GRIN2A: variants seen among roughly 807,000 people sequenced by gnomAD.
The protein encoded by GRIN2A is glutamate ionotropic receptor NMDA type subunit 2A, also known as glutamate receptor ionotropic, NMDA 2A.
GRIN2A carries 22 observed loss-of-function variants against 113.4 expected under a neutral mutation model. The ratio of observed to expected loss-of-function variants is 0.19; its 90% CI spans 0.14 to 0.28. The LOEUF is 0.28. GRIN2A is among the 10% of genes least tolerant of loss of function. GRIN2A has a pLI of 1.00. For missense variants in GRIN2A, 1,502 were observed against 1,887.0 expected, an observed-to-expected ratio of 0.80 and a Z score of 3.78; for synonymous variants, 827 against 738.4, an observed-to-expected ratio of 1.12 and a Z score of -1.94.
chr16:9,869,066 T>G (rs1224994078), intron 4 of GRIN2A, among the ~76,000 whole-genome samples: 1 of 152,222 alleles, frequency 6.6e-6, no homozygotes, highest in African/African-American at 2.4e-5. Flanking sequence ...AGGGTGGGAC[T>G]GTGTTCTGTT....
intron 2 of GRIN2A, among the ~76,000 whole-genome samples, chr16:10,116,980 G>A (rs1043353726): frequency 6.6e-6 from 1 of 151,860 alleles, no homozygotes; most frequent in Non-Finnish European, 1.5e-5. Flanking sequence ...CTAAGCTTCA[G>A]GTGACCCTCA....
At chr16:9,919,337 G>A (rs1484638387) in intron 3 of GRIN2A, among the ~76,000 whole-genome samples, 1 of 152,056 alleles carries the variant, frequency 6.6e-6, no homozygotes, top group Non-Finnish European at 1.5e-5. Context: ...GTGGAAAAAT[G>A]GCAGCAGAAA....
chr16:10,045,216 C>T (rs1287653088), intron 2 of GRIN2A, among the ~76,000 whole-genome samples: 2 of 152,106 alleles, frequency 1.3e-5, no homozygotes, highest in Non-Finnish European at 2.9e-5. Context: ...AAGATCTGGC[C>T]AGGAAAATGT....
intron 12 of GRIN2A, among the ~76,000 whole-genome samples, chr16:9,765,546 C>T (rs529511467): frequency 6.6e-6 from 1 of 152,160 alleles, no homozygotes; most frequent in Non-Finnish European, 1.5e-5. Flanking sequence ...TGAGGCTCAT[C>T]ATACTCTTTG....
intron 2 of GRIN2A, among the ~76,000 whole-genome samples, chr16:10,101,006 T>C (rs187987230): frequency 6.6e-6 from 1 of 152,354 alleles, no homozygotes; most frequent in African/African-American, 2.4e-5. Flanking sequence ...ATCCTCTGGC[T>C]TCAGAGCCCT....
chr16:9,803,964 C>G (rs1471757917), intron 10 of GRIN2A, among the ~76,000 whole-genome samples: 1 of 152,144 alleles, frequency 6.6e-6, no homozygotes, highest in Non-Finnish European at 1.5e-5. Context: ...CCAGAGCGGC[C>G]GGAGTTTCAA....
chr16:9,885,913 T>G (rs1176913020), intron 4 of GRIN2A, among the ~76,000 whole-genome samples: 4 of 152,222 alleles, frequency 2.6e-5, no homozygotes, highest in Non-Finnish European at 5.9e-5. Context: ...AAGCTGCCTT[T>G]TATGGGAAAT....
Position 10,165,192 on chromosome 16 carries a change from A to T in GRIN2A, c.414+14806T>A, listed in dbSNP as rs2049887289. On this transcript the variant is annotated intron_variant, in intron 2 of 12. Transcript: ENST00000330684. ...AAGTAAATCATGAGATATCCACAGA[A>T]TAGAAAACATAGAAGATAAAAATGT... is the stretch of plus-strand genomic sequence containing the variant. Among the ~76,000 whole-genome samples the T allele has an allele frequency of 7.9e-5, 12 of 152,300 alleles. No homozygotes were observed. In the South Asian group the frequency reaches 2.5e-3, roughly 32 times the overall value.
chr16:9,973,208 C>T (rs920782937), intron 2 of GRIN2A, among the ~76,000 whole-genome samples: 1 of 152,204 alleles, frequency 6.6e-6, no homozygotes, highest in Non-Finnish European at 1.5e-5. Context: ...CCTTCAACTG[C>T]ATGACTCCTA....
chr16:9,804,686 A>G (rs531568001), intron 10 of GRIN2A, among the ~76,000 whole-genome samples: 24 of 152,166 alleles, frequency 1.6e-4, no homozygotes, highest in Non-Finnish European at 2.5e-4. Context: ...TGTCTGCGAC[A>G]GACCAAAGAC....
intron 2 of GRIN2A, among the ~76,000 whole-genome samples, chr16:9,964,771 C>T (rs1287508411): frequency 6.6e-6 from 1 of 152,162 alleles, no homozygotes; most frequent in Admixed American, 6.5e-5. Flanking sequence ...TTGGTCCCAC[C>T]TTGCTAATCC....
At chr16:10,166,180 C>T (rs951105250) in intron 2 of GRIN2A, among the ~76,000 whole-genome samples, 1 of 152,188 alleles carries the variant, frequency 6.6e-6, no homozygotes, top group African/African-American at 2.4e-5. Flanking sequence ...ATTTCAAATG[C>T]CACTCACTCT....
intron 10 of GRIN2A, among the ~76,000 whole-genome samples, chr16:9,821,657 G>A (rs1251772697): frequency 6.6e-6 from 1 of 152,116 alleles, no homozygotes; most frequent in Non-Finnish European, 1.5e-5. Flanking sequence ...TGAGGTATGA[G>A]AAACTCTCTC....
intron 2 of GRIN2A, among the ~76,000 whole-genome samples, chr16:10,134,904 G>C (rs936797911): frequency 2.7e-5 from 4 of 150,020 alleles, no homozygotes; most frequent in Non-Finnish European, 5.9e-5. Flanking sequence ...CTGTGTGGCT[G>C]AATACTGGGA....
At chr16:9,817,881 G>A (rs2141284708) in intron 10 of GRIN2A, among the ~76,000 whole-genome samples, 1 of 152,334 alleles carries the variant, frequency 6.6e-6, no homozygotes, top group South Asian at 2.1e-4. Flanking sequence ...GATGTTCTAA[G>A]TCAAGGCTTG....
At chr16:9,903,969 C>T (rs1404981652) in intron 3 of GRIN2A, among the ~76,000 whole-genome samples, 2 of 152,214 alleles carry the variant, frequency 1.3e-5, no homozygotes, top group African/African-American at 4.8e-5. Flanking sequence ...GATAAGAATT[C>T]ATAACTCAGT....
chr16:9,808,537 T>C lies in GRIN2A; in HGVS notation c.2169-10073A>G, dbSNP rs149878970. Among the ~76,000 whole-genome samples the C allele has an allele frequency of 1.2e-4, 18 of 152,302 alleles. No individual in the cohort carries two copies. The East Asian group carries it at 3.3e-3, about 28-fold the overall frequency. The stretch of plus-strand genomic sequence containing the variant: ...ATTATGTGTTAGATAGAATGCAGGG[T>C]ACTTTCCATAAGTCAACTTGGTTAT... On this transcript the variant is annotated intron_variant, in intron 10 of 12. Coordinates refer to ENST00000330684, the MANE Select transcript of GRIN2A (RefSeq NM_001134407.3).
At chr16:9,975,372 T>C (rs575405920) in intron 2 of GRIN2A, among the ~76,000 whole-genome samples, 1 of 152,076 alleles carries the variant, frequency 6.6e-6, no homozygotes, top group Admixed American at 6.5e-5. Flanking sequence ...AACAGAGAAC[T>C]TTCTCCAGCT....
chr16:9,961,698 C>T (rs1005864187), intron 2 of GRIN2A, among the ~76,000 whole-genome samples: 1 of 152,184 alleles, frequency 6.6e-6, no homozygotes, highest in African/African-American at 2.4e-5. Context: ...AACGGCCATA[C>T]TGCCCAAGGT....
Sources: gnomAD v4.1 joint callset for allele counts (sites outside exome capture counted in the v4.1 genomes callset) on GRCh38, gnomAD v4.1.1 for gene constraint, MANE v1.5 for transcripts, NCBI Gene and HGNC (gene_info 2026-07-23, HGNC 2026-07-21) for gene names.